The following MAST4 variants were observed in gnomAD, a reference collection of about 807,000 sequenced individuals.
MAST4 encodes the protein microtubule-associated serine/threonine-protein kinase 4.
MAST4 carries 89 observed loss-of-function variants against 162.7 expected under a neutral mutation model. That is an observed-to-expected ratio of 0.55 (90% CI 0.46 to 0.65). MAST4 has a LOEUF of 0.65. MAST4 is among the 30% of genes least tolerant of loss of function. The pLI, the probability that MAST4 is intolerant of heterozygous loss-of-function variation, is 0.00. For missense variants in MAST4, 3,153 were observed against 3,374.0 expected, an observed-to-expected ratio of 0.93 and a Z score of 1.62; for synonymous variants, 1,479 against 1,361.1, an observed-to-expected ratio of 1.09 and a Z score of -1.91.
intron 4 of MAST4, chr5:66,930,779 A>C: frequency 2.1e-6 from 1 of 470,824 alleles, no homozygotes; most frequent in African/African-American, 2.0e-5. Flanking sequence ...AACATCGTGG[A>C]TTGAGAGGAA....
At chr5:66,681,870 G>A (rs1032523365) in intron 1 of MAST4, among the ~76,000 whole-genome samples, 4 of 152,270 alleles carry the variant, frequency 2.6e-5, no homozygotes, top group Admixed American at 2.6e-4. Flanking sequence ...CCTCTAAGGG[G>A]CATTGGGCTC....
chr5:67,084,132 T>C (rs1029501851), intron 5 of MAST4, among the ~76,000 whole-genome samples: 7 of 152,238 alleles, frequency 4.6e-5, no homozygotes, highest in Non-Finnish European at 1.5e-5. Context: ...GCAAGTCTTA[T>C]GACAAGAAAT....
chr5:66,951,999 G>A (rs1744768087), intron 4 of MAST4, among the ~76,000 whole-genome samples: 1 of 152,048 alleles, frequency 6.6e-6, no homozygotes, highest in Admixed American at 6.6e-5. Flanking sequence ...CTCTCTCCAT[G>A]TTCCGCCCTT....
chr5:66,882,335 T>G (rs1761744543), intron 3 of MAST4, among the ~76,000 whole-genome samples: 1 of 152,178 alleles, frequency 6.6e-6, no homozygotes, highest in Admixed American at 6.5e-5. Context: ...TTAAACCACT[T>G]TCTTTTCTCT....
At chr5:66,946,550 C>T (rs1311270562) in intron 4 of MAST4, among the ~76,000 whole-genome samples, 1 of 152,086 alleles carries the variant, frequency 6.6e-6, no homozygotes, top group Non-Finnish European at 1.5e-5. Context: ...ATGTTTTATT[C>T]AGTATATTGC....
At chr5:66,911,025 C>T (rs933173394) in intron 4 of MAST4, among the ~76,000 whole-genome samples, 1 of 152,168 alleles carries the variant, frequency 6.6e-6, no homozygotes, top group African/African-American at 2.4e-5. Flanking sequence ...GGATTACAGG[C>T]GTGAGCCACT....
intron 5 of MAST4, among the ~76,000 whole-genome samples, chr5:67,059,390 T>C (rs1759278593): frequency 6.6e-6 from 1 of 152,216 alleles, no homozygotes; most frequent in South Asian, 2.1e-4. Flanking sequence ...AATCTCTTCA[T>C]AGTAGTATTC....
chr5:66,799,116 G>T (rs1580477248), intron 3 of MAST4, among the ~76,000 whole-genome samples: 2 of 152,164 alleles, frequency 1.3e-5, no homozygotes, highest in South Asian at 4.1e-4. Flanking sequence ...TCTGGAGTTT[G>T]TCAGAATAAT....
At chr5:66,624,689 AAGC>A (rs1225679874) in intron 1 of MAST4, among the ~76,000 whole-genome samples, 24 of 152,208 alleles carry the variant, frequency 1.6e-4, no homozygotes, top group African/African-American at 5.3e-4. Flanking sequence ...ACTGCTATAA[AAGC>A]AGATATACTG....
rs1554037603 is a variant in MAST4 at position 66,635,975 on chromosome 5, T to TC, written c.363+38958dup. On this transcript the variant is annotated intron_variant, in intron 1 of 28. Coordinates refer to ENST00000403625, the MANE Select transcript of MAST4 (RefSeq NM_001164664.2). The stretch of plus-strand genomic sequence containing the variant: ...TTTTTTTTTTTTTTTTTTTTTTTTT[T>TC]CGAGACAGAGTCTTGCTCTGTCACC... Among the ~76,000 whole-genome samples, 168 of 113,562 alleles carry TC rather than the reference T, an allele frequency of 1.5e-3. 9 individuals carry two copies. The highest frequency in any genetic ancestry group is 6.1e-3 in the African/African-American group (158 of 25,788). 74.5% of individuals were successfully genotyped at this position (113,562 alleles called of 152,430 possible).
chr5:67,133,743 G>A, intron 17 of MAST4, 97 bp downstream of exon 17: 2 of 1,358,180 alleles, frequency 1.5e-6, no homozygotes, highest in Non-Finnish European at 2.0e-6. Context: ...TCACATTAGT[G>A]CTGGTGGTTT....
chr5:66,665,973 ACGTTAGAGCCCCGT>A, intron 1 of MAST4, among the ~76,000 whole-genome samples: 1 of 152,340 alleles, frequency 6.6e-6, no homozygotes, highest in East Asian at 1.9e-4. Context: ...CATTGAATGT[ACGTTAGAGCCCCGT>A]TGGGGCTTTT....
chr5:67,120,105 G>C (rs1385927253), intron 13 of MAST4, among the ~76,000 whole-genome samples: 3 of 152,238 alleles, frequency 2.0e-5, no homozygotes, highest in East Asian at 3.8e-4. Flanking sequence ...GGCCAAAGGG[G>C]AGCAGAGGAA....
intron 4 of MAST4, chr5:66,931,091 C>G (rs540385588): frequency 5.1e-6 from 1 of 194,998 alleles, no homozygotes; most frequent in Admixed American, 5.6e-5. Context: ...TTATCTGTAA[C>G]AAGGCCAAGT....
At chr5:66,695,345 G>C (rs60517667) in intron 1 of MAST4, among the ~76,000 whole-genome samples, 132 of 152,242 alleles carry the variant, frequency 8.7e-4, no homozygotes, top group African/African-American at 3.1e-3. Context: ...TCTTGTTTCT[G>C]AGACCTCTAT....
chr5:66,622,359 G>T (rs1744129815), intron 1 of MAST4, among the ~76,000 whole-genome samples: 1 of 151,158 alleles, frequency 6.6e-6, no homozygotes, highest in Non-Finnish European at 1.5e-5. Context: ...TAGGAGATGA[G>T]ATCAAAGGCT....
intron 2 of MAST4, among the ~76,000 whole-genome samples, chr5:66,766,801 C>G (rs1754116502): frequency 6.6e-6 from 1 of 152,066 alleles, no homozygotes; most frequent in Admixed American, 6.6e-5. Context: ...TTTGTAGCAC[C>G]ATCAAAAGAA....
In MAST4 at chr5:66,907,158, C is replaced by CGAGAGAGAGAGAGA. The variant is rs34963439; in HGVS notation, c.674+7212_674+7225dup. ...AAAGGAAAAATAACTCTCAGCAAAG[C>CGAGAGAGAGAGAGA]GAGAGAGAGAGAGAGAGAGAGAGAG... On this transcript the variant is annotated intron_variant, in intron 4 of 28. Coordinates refer to ENST00000403625, the MANE Select transcript of MAST4 (RefSeq NM_001164664.2). 4.2e-4 allele frequency among the ~76,000 whole-genome samples: 44 copies of CGAGAGAGAGAGAGA among 104,354 alleles called. 2 individuals are homozygous for CGAGAGAGAGAGAGA. Among genetic ancestry groups the CGAGAGAGAGAGAGA allele is most frequent in the African/African-American group, 7.6e-4 (20 of 26,214 alleles). The allele number at this position is 104,354 out of a possible 152,430, so 68.5% of individuals were successfully genotyped here. A position where few individuals can be genotyped will look rare whatever the true frequency, so the allele number is the denominator to read the frequency against.
At chr5:67,035,269 C>G (rs1036832563) in intron 4 of MAST4, among the ~76,000 whole-genome samples, 1 of 152,076 alleles carries the variant, frequency 6.6e-6, no homozygotes, top group Non-Finnish European at 1.5e-5. Flanking sequence ...GGGGTGCAAA[C>G]AATTCCTTTC....
Sources: gnomAD v4.1 joint callset for allele counts (sites outside exome capture counted in the v4.1 genomes callset) on GRCh38, gnomAD v4.1.1 for gene constraint, MANE v1.5 for transcripts, NCBI Gene and HGNC (gene_info 2026-07-23, HGNC 2026-07-21) for gene names.